PNPLA1: variants seen among roughly 807,000 people sequenced by gnomAD.
The protein encoded by PNPLA1 is patatin like domain 1, omega-hydroxyceramide transacylase.
A neutral mutation model predicts 51.7 loss-of-function variants in PNPLA1; 36 were observed. That is an observed-to-expected ratio of 0.70 (90% CI 0.53 to 0.92). PNPLA1 has a LOEUF of 0.92. Among genes scored for constraint, PNPLA1 ranks in the 40% least tolerant of loss-of-function variants. The probability of loss-of-function intolerance (pLI) is 0.00; values close to 1 mark genes in which losing one functional copy is unlikely to be tolerated. For missense variants in PNPLA1, 658 were observed against 682.5 expected (o/e 0.96, Z 0.40); for synonymous variants, 293 against 280.1 (o/e 1.05, Z -0.46).
Position 36,302,244 on chromosome 6 carries a change from T to C in PNPLA1, c.1159T>C (p.Ser387Pro). Residue 387 changes from serine (S) to proline (P), a missense_variant, in exon 6 of 9, where the codon TCA (serine) becomes CCA (proline). Ser to Pro is a moderately conservative substitution (Grantham distance 74, BLOSUM62 -1). Coordinates refer to ENST00000636260, the MANE Select transcript of PNPLA1 (RefSeq NM_001374623.1). The stretch of plus-strand genomic sequence containing the variant: ...CAAGCCACCCAGCTCCACACCTGGT[T>C]CATCACTGCCCACCCCACCACCTGG... ...VHKPPSSTPG[S>P]SLPTPPPGLS... is the part of the protein sequence containing the mutation. 1.2e-6 allele frequency: 2 copies of C among 1,614,140 alleles called. No individual in the cohort carries two copies. The highest frequency in any genetic ancestry group is 8.5e-7 in the Non-Finnish European group (1 of 1,180,008).
chr6:36,283,677 T>A (rs1464370397), intron 1 of PNPLA1, among the ~76,000 whole-genome samples: 1 of 152,184 alleles, frequency 6.6e-6, no homozygotes, highest in Non-Finnish European at 1.5e-5. Flanking sequence ...TCTCCTCCTA[T>A]GCCCTAGCTC....
intron 1 of PNPLA1, among the ~76,000 whole-genome samples, chr6:36,247,982 G>T (rs189650363): frequency 2.6e-4 from 39 of 152,258 alleles, no homozygotes; most frequent in African/African-American, 8.9e-4. Context: ...CCAGAGAACA[G>T]AAGGACACAT....
upstream of PNPLA1, among the ~76,000 whole-genome samples, chr6:36,265,526 A>G (rs1379686761): frequency 3.9e-5 from 6 of 152,242 alleles, no homozygotes; most frequent in Admixed American, 3.9e-4. Context: ...ATAACAAAGT[A>G]TCTATACCTT....
chr6:36,291,990 G>A (rs530021730), intron 2 of PNPLA1, among the ~76,000 whole-genome samples: 1 of 152,232 alleles, frequency 6.6e-6, no homozygotes, highest in Non-Finnish European at 1.5e-5. Context: ...CCCTTGATAA[G>A]GGATTGAATG....
intron 1 of PNPLA1, among the ~76,000 whole-genome samples, chr6:36,254,897 G>C (rs1044721478): frequency 3.3e-5 from 5 of 152,078 alleles, no homozygotes; most frequent in African/African-American, 1.2e-4. Flanking sequence ...ACTGCAAAAG[G>C]ATGTTCAAAG....
At position 36,293,104 on chromosome 6, in the gene PNPLA1, T is replaced by TC. The variant is rs747341919; in HGVS notation, c.488dup (p.Thr164AspfsTer101). 1.9e-6 allele frequency: 3 copies of TC among 1,613,640 alleles called. No homozygotes were observed. In the South Asian group the frequency reaches 3.3e-5, roughly 18 times the overall value. ...TTCGTCCCGGTGTACTGTGGCCTCATCCCCCCGACTTACCGCGGTGTGGTG... is the reference window on the plus strand; with the variant it reads ...TTCGTCCCGGTGTACTGTGGCCTCATCCCCCCCGACTTACCGCGGTGTGGTG... On this transcript the variant is annotated frameshift_variant, in exon 3 of 9. Transcript: ENST00000636260. LOFTEE classifies it high-confidence loss of function.
intron 1 of PNPLA1, among the ~76,000 whole-genome samples, chr6:36,258,598 T>G (rs1215698802): frequency 6.6e-6 from 1 of 152,192 alleles, no homozygotes; most frequent in Non-Finnish European, 1.5e-5. Flanking sequence ...GTTAGTGTCT[T>G]TTTAAAGAGC....
At chr6:36,276,754 G>GTTCCTTCCTTCCTTCC (rs35701454) in intron 1 of PNPLA1, among the ~76,000 whole-genome samples, 1 of 149,774 alleles carries the variant, frequency 6.7e-6, no homozygotes, top group Non-Finnish European at 1.5e-5. Context: ...TCGTTCGTTC[G>GTTCCTTCCTTCCTTCC]TTCCTTCCTT....
At chr6:36,280,110 G>A (rs1770233313) in intron 1 of PNPLA1, among the ~76,000 whole-genome samples, 1 of 152,204 alleles carries the variant, frequency 6.6e-6, no homozygotes, top group Non-Finnish European at 1.5e-5. Flanking sequence ...GGAGGCTGAA[G>A]CAGGAGAATT....
intron 1 of PNPLA1, among the ~76,000 whole-genome samples, chr6:36,280,288 A>C (rs1438199900): frequency 6.6e-6 from 1 of 152,226 alleles, no homozygotes; most frequent in African/African-American, 2.4e-5. Context: ...GCTCATCTGC[A>C]CAAGGACTTG....
upstream of PNPLA1, among the ~76,000 whole-genome samples, chr6:36,269,101 C>T (rs898858355): frequency 1.3e-5 from 2 of 152,234 alleles, no homozygotes; most frequent in African/African-American, 4.8e-5. Flanking sequence ...CTTGCCCTCA[C>T]TGTGGAATTC....
At position 36,294,038 on chromosome 6, in the gene PNPLA1, C is replaced by A. The variant is rs183626173; in HGVS notation, c.505-152C>A. ...GGGGCACACCACGCACCCACCAGGA[C>A]CTCCGTCTCCAGGCTTATCCTGAGG... On this transcript the variant is annotated intron_variant, in intron 3 of 8. Coordinates refer to ENST00000636260, the MANE Select transcript of PNPLA1 (RefSeq NM_001374623.1). The surrounding 1 kb of genome is among the most constrained non-coding windows in gnomAD (Gnocchi z 4.2). 1 of 870,278 alleles carries A rather than the reference C, an allele frequency of 1.1e-6. No individual in the cohort carries two copies. The highest frequency in any genetic ancestry group is 2.6e-5 in the Admixed American group (1 of 37,866). 53.9% of individuals were successfully genotyped at this position (870,278 alleles called of 1,614,324 possible).
chr6:36,267,391 C>T (rs1769784197), upstream of PNPLA1, among the ~76,000 whole-genome samples: 1 of 152,196 alleles, frequency 6.6e-6, no homozygotes, highest in Admixed American at 6.5e-5. Context: ...TCCAGGTTAG[C>T]AGCTCCTCCA....
chr6:36,300,169 G>GTGTGTGTC (rs1770987425), intron 5 of PNPLA1, among the ~76,000 whole-genome samples: 1 of 124,172 alleles, frequency 8.1e-6, no homozygotes, highest in South Asian at 2.6e-4. Flanking sequence ...TCTTGTGTGT[G>GTGTGTGTC]TGTGTGTGTG....
chr6:36,265,695 A>G (rs1008343524), upstream of PNPLA1, among the ~76,000 whole-genome samples: 3 of 152,236 alleles, frequency 2.0e-5, no homozygotes, highest in Non-Finnish European at 4.4e-5. Flanking sequence ...AAACAAAGAC[A>G]TTGAGTTATC....
upstream of PNPLA1, among the ~76,000 whole-genome samples, chr6:36,269,523 C>T (rs942085083): frequency 4.6e-5 from 7 of 152,142 alleles, no homozygotes; most frequent in Non-Finnish European, 8.8e-5. Context: ...CATTTCTGAG[C>T]GGGAAGAAGA....
intron 1 of PNPLA1, among the ~76,000 whole-genome samples, chr6:36,253,363 G>A (rs994521753): frequency 1.1e-4 from 16 of 152,086 alleles, no homozygotes; most frequent in Admixed American, 5.9e-4. Context: ...AAAATAATGC[G>A]GTGAGCTCTT....
chr6:36,274,346 G>A (rs945578498), intron 1 of PNPLA1, among the ~76,000 whole-genome samples: 2 of 152,154 alleles, frequency 1.3e-5, no homozygotes, highest in Non-Finnish European at 2.9e-5. Flanking sequence ...AGGAGGCAGG[G>A]TCGGGGAGTC....
chr6:36,269,368 C>T (rs1187135164), upstream of PNPLA1, among the ~76,000 whole-genome samples: 4 of 152,186 alleles, frequency 2.6e-5, no homozygotes, highest in Non-Finnish European at 5.9e-5. Flanking sequence ...CCTCAGGGGG[C>T]AGAACCGCAG....
Sources: allele counts gnomAD v4.1 joint callset (sites outside exome capture counted in the v4.1 genomes callset), GRCh38; gene constraint gnomAD v4.1.1; non-coding constraint Gnocchi (gnomAD v3.1); transcripts MANE v1.5; gene names NCBI Gene and HGNC (gene_info 2026-07-23, HGNC 2026-07-21).